Variants in GDPD1 observed in about 807,000 individuals in gnomAD.
The protein encoded by GDPD1 is glycerophosphodiester phosphodiesterase domain containing 1, also known as lysophospholipase D GDPD1.
A neutral mutation model predicts 45.1 loss-of-function variants in GDPD1; 28 were observed. The observed-to-expected ratio is 0.62, with a 90% CI of 0.46 to 0.85. GDPD1 has a LOEUF of 0.85. Ranked by LOEUF, GDPD1 falls within the 40% of genes least tolerant of loss-of-function variation. The pLI, the probability that GDPD1 is intolerant of heterozygous loss-of-function variation, is 0.00. For synonymous variants in GDPD1, 139 were observed against 131.4 expected, an observed-to-expected ratio of 1.06 and a Z score of -0.40; for missense variants, 256 against 364.8, an observed-to-expected ratio of 0.70 and a Z score of 2.43.
chr17:59,229,885 C>G (rs761315199), intron 1 of GDPD1, among the ~76,000 whole-genome samples: 1 of 152,130 alleles, frequency 6.6e-6, no homozygotes, highest in Non-Finnish European at 1.5e-5. Context: ...GGCACATGTT[C>G]AGACTGATCA....
At position 59,267,679 on chromosome 17, in the gene GDPD1, T is replaced by G. The variant is rs1304768210; in HGVS notation, c.710+505T>G. The stretch of plus-strand genomic sequence containing the variant: ...GTTTTTATAGTGGTTTTTTGTTTTT[T>G]TTTTTTTGAGATGGAGTTTTGCTGT... On this transcript the variant is annotated intron_variant, in intron 7 of 9. Transcript: ENST00000284116. 4.0e-5 allele frequency among the ~76,000 whole-genome samples: 6 copies of G among 151,896 alleles called. No individual in the cohort carries two copies. The East Asian group carries it at 7.7e-4, about 19-fold the overall frequency.
intron 4 of GDPD1, among the ~76,000 whole-genome samples, chr17:59,251,859 A>G (rs958338355): frequency 1.6e-4 from 24 of 151,298 alleles, no homozygotes; most frequent in African/African-American, 5.1e-4. Context: ...AATAAAAATA[A>G]TATTAGCCAG....
At chr17:59,223,914 A>G (rs952936806) in intron 1 of GDPD1, among the ~76,000 whole-genome samples, 1 of 151,908 alleles carries the variant, frequency 6.6e-6, no homozygotes, top group Admixed American at 6.6e-5. Flanking sequence ...CCGTCAGGGC[A>G]CTCCGAGGGG....
chr17:59,243,636 GGGATCCTT>G (rs2047190885), intron 2 of GDPD1, among the ~76,000 whole-genome samples: 1 of 152,082 alleles, frequency 6.6e-6, no homozygotes, highest in Non-Finnish European at 1.5e-5. Context: ...GGTTCCACCA[GGGATCCTT>G]GGCTGTCTCC....
At chr17:59,254,974 T>C (rs964208887) in intron 4 of GDPD1, among the ~76,000 whole-genome samples, 3 of 152,198 alleles carry the variant, frequency 2.0e-5, no homozygotes, top group Non-Finnish European at 2.9e-5. Flanking sequence ...GAGCCAATGA[T>C]TGACAGTCCC....
chr17:59,260,412 C>T (rs758337477), intron 6 of GDPD1, among the ~76,000 whole-genome samples: 1 of 151,652 alleles, frequency 6.6e-6, no homozygotes. Flanking sequence ...CATGGTGGTG[C>T]GCACCTGTAA....
At chr17:59,271,741 C>A (rs556641800) in intron 8 of GDPD1, among the ~76,000 whole-genome samples, 6 of 151,626 alleles carry the variant, frequency 4.0e-5, no homozygotes, top group Non-Finnish European at 5.9e-5. Flanking sequence ...TCAAGTGATT[C>A]TTCTGCCTCA....
At chr17:59,264,691 A>G (rs1346568881) in intron 6 of GDPD1, among the ~76,000 whole-genome samples, 1 of 152,120 alleles carries the variant, frequency 6.6e-6, no homozygotes, top group African/African-American at 2.4e-5. Context: ...TGACTTGTAT[A>G]TTTTGTTACA....
chr17:59,235,327 TTTTG>T lies in GDPD1; in HGVS notation c.185+796_185+799del, dbSNP rs758602129. On this transcript the variant is annotated intron_variant, in intron 2 of 9. Transcript: ENST00000284116. ...GAAATTTGGAGAATTTGACTTCACT[TTTTG>T]TTCTGCTTCTCACCATTCAAAGACA... Among the ~76,000 whole-genome samples the T allele has an allele frequency of 5.9e-5, 9 of 152,322 alleles. No homozygotes were observed. In the South Asian group the frequency reaches 1.0e-3, roughly 18 times the overall value.
chr17:59,229,717 T>C (rs2047074841), intron 1 of GDPD1, among the ~76,000 whole-genome samples: 1 of 152,156 alleles, frequency 6.6e-6, no homozygotes, highest in Non-Finnish European at 1.5e-5. Flanking sequence ...CCTGACCTCA[T>C]GTGACAGGTT....
chr17:59,251,121 T>C (rs2047249866), intron 4 of GDPD1, among the ~76,000 whole-genome samples: 1 of 152,158 alleles, frequency 6.6e-6, no homozygotes, highest in South Asian at 2.1e-4. Context: ...AACAAGGAAA[T>C]AACAATGCTA....
At position 59,220,637 on chromosome 17, in the gene GDPD1, C is replaced by G; in HGVS notation, c.28C>G (p.Leu10Val). The change falls in exon 1 of 10, where the codon CTC becomes GTC. Residue 10 changes from leucine to valine, a missense_variant. By Grantham distance (32) the Leu-to-Val change is conservative. Transcript: ENST00000284116. ...GTCGTCCACTGCGGCTTTTTACCTT[C>G]TCTCTACGCTAGGAGGATACTTGGT... The part of the protein sequence containing the change: MSSTAAFYL[L>V]STLGGYLVTS... The G allele has an allele frequency of 6.2e-7, 1 of 1,613,852 alleles. No homozygotes were observed. The highest frequency in any genetic ancestry group is 8.5e-7 in the Non-Finnish European group (1 of 1,179,890).
intron 2 of GDPD1, among the ~76,000 whole-genome samples, chr17:59,245,002 AT>A (rs1412810913): frequency 1.3e-5 from 2 of 152,170 alleles, no homozygotes; most frequent in African/African-American, 4.8e-5. Flanking sequence ...TCTCAAAAAA[AT>A]AAAATAAATA....
At chr17:59,262,597 G>T (rs1384756459) in intron 6 of GDPD1, among the ~76,000 whole-genome samples, 1 of 151,226 alleles carries the variant, frequency 6.6e-6, no homozygotes, top group African/African-American at 2.4e-5. Flanking sequence ...GATTTCTTGT[G>T]TAGTGATGAA....
intron 1 of GDPD1, 142 bp from the exon 2 acceptor site, chr17:59,234,350 C>CA (rs1036462747): frequency 4.9e-5 from 28 of 566,084 alleles, no homozygotes; most frequent in Middle Eastern, 4.8e-4. Flanking sequence ...GACTCCGTCT[C>CA]AAAAAAACCC....
rs549184165 is a variant in GDPD1 at position 59,220,529 on chromosome 17, C to T, written c.-81C>T. 1 of 1,402,288 alleles carries T rather than the reference C, an allele frequency of 7.1e-7. No homozygotes were observed. Among genetic ancestry groups the T allele is most frequent in the Admixed American group, 2.0e-5 (1 of 50,480 alleles). The allele number at this position is 1,402,288 out of a possible 1,614,324, so 86.9% of individuals were successfully genotyped here. On this transcript the variant is annotated 5_prime_UTR_variant, in exon 1 of 10. Transcript: ENST00000284116. ...TGGGGGCGAGCCGACCTCGAGCAGCCGCCGCCGCCGCCGTCGTTGCTACTG... is the reference window on the plus strand; with the variant it reads ...TGGGGGCGAGCCGACCTCGAGCAGCTGCCGCCGCCGCCGTCGTTGCTACTG...
In GDPD1 at chr17:59,275,288, A is replaced by G. The variant is rs2047473621; in HGVS notation, c.*1515A>G. On this transcript the variant is annotated 3_prime_UTR_variant, in exon 10 of 10. Transcript: ENST00000284116. ...ATTTGGCAAGTTATACATAATCAGCAGCAGCCAGGCTCAAGAAAATAAAAG... is the reference window on the plus strand; with the variant it reads ...ATTTGGCAAGTTATACATAATCAGCGGCAGCCAGGCTCAAGAAAATAAAAG... The G allele has an allele frequency of 2.0e-6, 2 of 1,016,550 alleles. No individual in the cohort carries two copies. Among genetic ancestry groups the G allele is most frequent in the Non-Finnish European group, 2.9e-6 (2 of 684,716 alleles). 63.0% of individuals were successfully genotyped at this position (1,016,550 alleles called of 1,614,324 possible).
intron 7 of GDPD1, among the ~76,000 whole-genome samples, chr17:59,268,076 A>G (rs181905436): frequency 2.6e-5 from 4 of 152,180 alleles, no homozygotes; most frequent in African/African-American, 9.7e-5. Flanking sequence ...ATAGGTACAT[A>G]AAAACACTTA....
chr17:59,271,891 T>G (rs886093002), intron 8 of GDPD1, among the ~76,000 whole-genome samples: 2 of 152,114 alleles, frequency 1.3e-5, no homozygotes, highest in African/African-American at 4.8e-5. Context: ...CACCTCAGCC[T>G]CCCAAAGTGC....
Sources: gnomAD v4.1 joint callset for allele counts (sites outside exome capture counted in the v4.1 genomes callset) on GRCh38, gnomAD v4.1.1 for gene constraint, MANE v1.5 for transcripts, NCBI Gene and HGNC (gene_info 2026-07-23, HGNC 2026-07-21) for gene names.